Variants in PES1 observed in about 807,000 individuals in gnomAD.
PES1 encodes the protein pescadillo ribosomal biogenesis factor 1, also known as pescadillo homolog.
Under a neutral mutation model 77.1 loss-of-function variants are expected in PES1, and 31 were observed. The observed-to-expected ratio is 0.40, with a 90% CI of 0.30 to 0.54. The LOEUF (loss-of-function observed/expected upper bound fraction) is 0.54. PES1 is among the 20% of genes least tolerant of loss of function. The probability of loss-of-function intolerance (pLI) is 0.45; values close to 1 mark genes in which losing one functional copy is unlikely to be tolerated. For missense variants in PES1, 658 were observed against 771.7 expected, an observed-to-expected ratio of 0.85 and a Z score of 1.75; for synonymous variants, 282 against 303.0, an observed-to-expected ratio of 0.93 and a Z score of 0.72.
intron 2 of PES1, among the ~76,000 whole-genome samples, chr22:30,600,804 G>T (rs5994323): frequency 0.031 from 4,706 of 152,230 alleles, 109 homozygotes; most frequent in Non-Finnish European, 0.041. Flanking sequence ...GACAGAGCGC[G>T]AGACTCCATC....
At chr22:30,591,946 T>A (rs17526668), upstream of PES1, 229,447 of 1,443,612 alleles carry the variant, frequency 0.16, 19,089 homozygotes, top group Middle Eastern at 0.19. Flanking sequence ...TGTCTGTTTG[T>A]GCGGGCTGCC....
At chr22:30,591,506 T>C (rs1201124289) in intron 1 of PES1, among the ~76,000 whole-genome samples, 4 of 152,336 alleles carry the variant, frequency 2.6e-5, no homozygotes, top group Non-Finnish European at 4.4e-5. Flanking sequence ...GTAATGTTTA[T>C]CACCCTTTCG....
chr22:30,589,275 G>A lies in PES1; in HGVS notation c.25-5C>T. ...GGTGGCCGAGCCTCGTTCATACTGG[G>A]AGAGGAAAAAAACAATTCTCCATTA... On this transcript the variant is annotated splice_polypyrimidine_tract_variant and splice_region_variant and intron_variant, in intron 1 of 14. Transcript: ENST00000354694. 3 of 1,611,390 alleles carry A rather than the reference G, an allele frequency of 1.9e-6. No homozygotes were observed. The highest frequency in any genetic ancestry group is 2.5e-6 in the Non-Finnish European group (3 of 1,178,454).
intron 2 of PES1, among the ~76,000 whole-genome samples, chr22:30,604,799 C>T (rs1225591303): frequency 6.6e-6 from 1 of 151,954 alleles, no homozygotes; most frequent in Non-Finnish European, 1.5e-5. Flanking sequence ...TTGATCTGGC[C>T]AGGTGCAGTG....
At chr22:30,595,538 C>CAAAAA (rs377364940), upstream of PES1, among the ~76,000 whole-genome samples, 2 of 80,702 alleles carry the variant, frequency 2.5e-5, no homozygotes, top group Non-Finnish European at 4.8e-5. Flanking sequence ...GACAGTGTCT[C>CAAAAA]AAAAAAAAAA....
chr22:30,594,907 G>A (rs1022126435), upstream of PES1, among the ~76,000 whole-genome samples: 5 of 152,156 alleles, frequency 3.3e-5, no homozygotes, highest in Admixed American at 1.3e-4. Context: ...CAAAAGGATC[G>A]CTTGGGCTCA....
intron 2 of PES1, among the ~76,000 whole-genome samples, chr22:30,601,368 G>A (rs1047725925): frequency 6.6e-6 from 1 of 152,002 alleles, no homozygotes; most frequent in Non-Finnish European, 1.5e-5. Flanking sequence ...AGGCTGGAGT[G>A]CAGTGGTGCG....
intron 1 of PES1, among the ~76,000 whole-genome samples, chr22:30,605,727 C>T (rs1319793231): frequency 1.3e-5 from 2 of 152,184 alleles, no homozygotes; most frequent in African/African-American, 2.4e-5. Flanking sequence ...CTAGTGGCCA[C>T]ATCCAGCCTT....
Position 30,577,089 on chromosome 22 carries a change from G to A in PES1, c.1724C>T (p.Ala575Val), listed in dbSNP as rs188643843. 27 of 1,614,082 alleles carry A rather than the reference G, an allele frequency of 1.7e-5. No individual in the cohort carries two copies. The highest frequency in any genetic ancestry group is 9.3e-5 in the African/African-American group (7 of 75,036). The change falls in exon 15 of 15, where the codon GCG becomes GTG. Residue 575 changes from alanine (A) to valine (V), a missense_variant. By Grantham distance (64) the Ala-to-Val change is moderately conservative. Transcript: ENST00000354694. ...LAEKRKAHDE[A>V]VRSEKKAKKA... ...CTTGGCCTTCTTCTCAGACCTCACC[G>A]CCTCATCGTGGGCTTTCCGCTTCTC...
chr22:30,587,270 G>A lies in PES1; in HGVS notation c.368+16C>T. ...AAATGAAGAAACAGCAGTGTCCTGAGGAAAGCCCGGCTCACCGTTCCTTGA... is the reference window on the plus strand; with the variant it reads ...AAATGAAGAAACAGCAGTGTCCTGAAGAAAGCCCGGCTCACCGTTCCTTGA... On this transcript the variant is annotated intron_variant, in intron 4 of 14. Coordinates refer to ENST00000354694, the MANE Select transcript of PES1 (RefSeq NM_014303.4). 2 of 1,561,096 alleles carry A rather than the reference G, an allele frequency of 1.3e-6. No individual in the cohort carries two copies. Among genetic ancestry groups the A allele is most frequent in the South Asian group, 1.1e-5 (1 of 90,012 alleles).
chr22:30,587,642 C>T (rs2087112404), intron 3 of PES1, among the ~76,000 whole-genome samples: 1 of 152,212 alleles, frequency 6.6e-6, no homozygotes, highest in African/African-American at 2.4e-5. Flanking sequence ...ACAGATGTCC[C>T]AACTCCACAC....
At chr22:30,585,246 G>A (rs1164283140) in intron 4 of PES1, 1 of 471,336 alleles carries the variant, frequency 2.1e-6, no homozygotes, top group Non-Finnish European at 4.4e-6. Context: ...ATGTCTAGTT[G>A]GCAGAACCAA....
In PES1 at chr22:30,584,435, C is replaced by A. The variant is rs1398058644; in HGVS notation, c.560G>T (p.Gly187Val). The A allele has an allele frequency of 6.2e-7, 1 of 1,612,072 alleles. No individual in the cohort carries two copies. The highest frequency in any genetic ancestry group is 1.3e-5 in the African/African-American group (1 of 74,884). Reference protein sequence around the residue: ...ALRKVFLSIKGIYYQAEVLGQ... With the variant: ...ALRKVFLSIKVIYYQAEVLGQ... ...CAGTACCTCGGCCTGGTAGTAAATG[C>A]CTTTGATGGACAGGAAGACCTAGGG... Residue 187 changes from glycine to valine, a missense_variant, in exon 6 of 15, where the codon GGC becomes GTC. By Grantham distance (109) the Gly-to-Val change is moderately radical. Coordinates refer to ENST00000354694, the MANE Select transcript of PES1 (RefSeq NM_014303.4).
At position 30,587,342 on chromosome 22, in the gene PES1, TAC is replaced by T; in HGVS notation, c.310_311del (p.Val104ArgfsTer7). On this transcript the variant is annotated frameshift_variant, in exon 4 of 15. Coordinates refer to ENST00000354694, the MANE Select transcript of PES1 (RefSeq NM_014303.4). LOFTEE classifies it high-confidence loss of function. ...TGGGCTTATTGTCCTTTAAACGCTCTACAGTGTTCCACTCGCTCTTCCCATAA... is the reference window on the plus strand; with the variant it reads ...TGGGCTTATTGTCCTTTAAACGCTCTAGTGTTCCACTCGCTCTTCCCATAA... ...KAYGKSEWNT[V>X]ERLKDNKPNY... The T allele has an allele frequency of 6.2e-7, 1 of 1,613,982 alleles. No individual in the cohort carries two copies. Among genetic ancestry groups the T allele is most frequent in the Non-Finnish European group, 8.5e-7 (1 of 1,179,948 alleles).
At chr22:30,592,373 T>G (rs2087196775), upstream of PES1, 6 of 988,396 alleles carry the variant, frequency 6.1e-6, no homozygotes, top group Non-Finnish European at 7.2e-6. Context: ...CTTCGGGTTC[T>G]CTTTGGTTCA....
At chr22:30,581,287 G>T in intron 8 of PES1, 47 bp downstream of exon 8, 2 of 1,588,672 alleles carry the variant, frequency 1.3e-6, no homozygotes, top group Non-Finnish European at 8.6e-7. Flanking sequence ...TGGGGACAGA[G>T]ACCACTCCCT....
chr22:30,584,754 A>G (rs750640125), intron 4 of PES1, 37 bp from the exon 5 acceptor site: 1 of 1,606,990 alleles, frequency 6.2e-7, no homozygotes, highest in South Asian at 1.1e-5. Context: ...GGGCCTGTTC[A>G]GCGTGGGTGC....
intron 1 of PES1, 129 bp downstream of exon 1, chr22:30,591,681 G>T: frequency 1.9e-6 from 2 of 1,034,260 alleles, no homozygotes; most frequent in Non-Finnish European, 2.7e-6. Flanking sequence ...CCTTCTCGCA[G>T]CTGATTACGG....
intron 2 of PES1, among the ~76,000 whole-genome samples, chr22:30,602,274 C>G (rs1374412865): frequency 6.6e-6 from 1 of 152,122 alleles, no homozygotes; most frequent in Non-Finnish European, 1.5e-5. Context: ...TTCTCAATCT[C>G]TCTACTGCCA....
Sources: allele counts gnomAD v4.1 joint callset (sites outside exome capture counted in the v4.1 genomes callset), GRCh38; gene constraint gnomAD v4.1.1; transcripts MANE v1.5; gene names NCBI Gene and HGNC (gene_info 2026-07-23, HGNC 2026-07-21).